The following TPD52L2 variants were observed in gnomAD, a reference collection of about 807,000 sequenced individuals.
The protein encoded by TPD52L2 is tumor protein D54.
A neutral mutation model predicts 24.7 loss-of-function variants in TPD52L2; 19 were observed. That is an observed-to-expected ratio of 0.77 (90% CI 0.54 to 1.13). TPD52L2 has a LOEUF of 1.13. TPD52L2 is among the 50% of genes most tolerant of loss of function. TPD52L2 has a pLI of 0.00. For synonymous variants in TPD52L2, 104 were observed against 100.2 expected (o/e 1.04, Z -0.23); for missense variants, 236 against 250.4 (o/e 0.94, Z 0.39).
chr20:63,886,453 C>G (rs577329761), intron 5 of TPD52L2, among the ~76,000 whole-genome samples: 2 of 149,346 alleles, frequency 1.3e-5, no homozygotes, highest in Admixed American at 1.3e-4. Context: ...CTCCGCCTCC[C>G]GGGTTCACGC....
At chr20:63,874,761 G>A (rs2052604071) in intron 3 of TPD52L2, among the ~76,000 whole-genome samples, 1 of 152,182 alleles carries the variant, frequency 6.6e-6, no homozygotes, top group Non-Finnish European at 1.5e-5. Context: ...CCAGACTTGA[G>A]AGAGCACTGA....
At chr20:63,878,839 T>C (rs912624785) in intron 4 of TPD52L2, among the ~76,000 whole-genome samples, 1 of 152,202 alleles carries the variant, frequency 6.6e-6, no homozygotes, top group Non-Finnish European at 1.5e-5. Context: ...CCCGGCCCGG[T>C]GCTCTCAAGG....
intron 5 of TPD52L2, among the ~76,000 whole-genome samples, chr20:63,884,162 G>A (rs904297967): frequency 2.6e-5 from 4 of 152,118 alleles, no homozygotes; most frequent in African/African-American, 7.2e-5. Context: ...ACCCTCACAC[G>A]CCCAAGGCTC....
chr20:63,885,333 C>T (rs1385066234), intron 5 of TPD52L2, among the ~76,000 whole-genome samples: 1 of 152,218 alleles, frequency 6.6e-6, no homozygotes, highest in African/African-American at 2.4e-5. Flanking sequence ...TCCGTGGTCT[C>T]AGATGAGGCA....
At chr20:63,870,716 G>C (rs1306720087) in intron 2 of TPD52L2, among the ~76,000 whole-genome samples, 1 of 147,460 alleles carries the variant, frequency 6.8e-6, no homozygotes, top group Non-Finnish European at 1.5e-5. Context: ...AGTCGAGATG[G>C]GGTTTGTTTT....
chr20:63,890,067 C>A lies in TPD52L2; in HGVS notation c.*122C>A. 6.5e-7 allele frequency: 1 copy of A among 1,532,440 alleles called. No individual in the cohort carries two copies. The highest frequency in any genetic ancestry group is 2.4e-5 in the East Asian group (1 of 41,292). The allele number at this position is 1,532,440 out of a possible 1,614,324, so 94.9% of individuals were successfully genotyped here. A position where few individuals can be genotyped will look rare whatever the true frequency, so the allele number is the denominator to read the frequency against. The stretch of plus-strand genomic sequence containing the variant: ...AGCAGAGCCGGCCCTGAGGACAGTC[C>A]TGCCCATCCACGCGGAGATGTGGCT... On this transcript the variant is annotated 3_prime_UTR_variant, in exon 7 of 7. Transcript: ENST00000346249.
intron 4 of TPD52L2, 122 bp downstream of exon 4, chr20:63,875,997 C>A (rs1401408009): frequency 1.0e-6 from 1 of 961,586 alleles, no homozygotes; most frequent in Non-Finnish European, 1.6e-6. Context: ...GCTATTTTTT[C>A]TTCCTATAAC....
intron 1 of TPD52L2, among the ~76,000 whole-genome samples, chr20:63,866,360 C>T (rs1004555567): frequency 6.6e-6 from 1 of 152,232 alleles, no homozygotes; most frequent in Admixed American, 6.5e-5. Context: ...GCCTCAGCCT[C>T]CCAAAGTGCT....
intron 5 of TPD52L2, chr20:63,885,937 C>T: frequency 1.3e-6 from 2 of 1,525,660 alleles, no homozygotes; most frequent in Non-Finnish European, 1.8e-6. Flanking sequence ...CCTGGGGCTC[C>T]CCGAGGAGGG....
chr20:63,882,868 A>G (rs780975083), intron 5 of TPD52L2, 48 bp downstream of exon 5: 26 of 1,481,440 alleles, frequency 1.8e-5, no homozygotes, highest in Middle Eastern at 1.9e-4. Context: ...GCCAGGAGTG[A>G]GGTGAGGTGT....
chr20:63,872,782 C>T (rs2052516523), intron 2 of TPD52L2, among the ~76,000 whole-genome samples: 1 of 152,002 alleles, frequency 6.6e-6, no homozygotes, highest in African/African-American at 2.4e-5. Context: ...GGCTCACCCG[C>T]AAGCTCTGCC....
Position 63,890,205 on chromosome 20 carries a change from CA to C in TPD52L2, c.*261del, listed in dbSNP as rs1292605365. Reference sequence around the variant, plus strand: ...CCTTCCTAGGGGTGCAGGAAGTGGACAGGGCGGAGGGTTTGAAAGAATATTG... The same window carrying C: ...CCTTCCTAGGGGTGCAGGAAGTGGACGGGCGGAGGGTTTGAAAGAATATTG... On this transcript the variant is annotated 3_prime_UTR_variant, in exon 7 of 7. Transcript: ENST00000346249. The C allele has an allele frequency of 7.9e-6, 6 of 762,160 alleles. No homozygotes were observed. The highest frequency in any genetic ancestry group is 1.2e-5 in the Non-Finnish European group (6 of 490,096). 47.2% of individuals were successfully genotyped at this position (762,160 alleles called of 1,614,324 possible).
chr20:63,866,429 T>C (rs913235286), intron 1 of TPD52L2, among the ~76,000 whole-genome samples: 4 of 150,740 alleles, frequency 2.7e-5, no homozygotes, highest in Non-Finnish European at 4.4e-5. Context: ...AATTCCTAGG[T>C]GCTGCATTAT....
intron 2 of TPD52L2, among the ~76,000 whole-genome samples, chr20:63,869,823 C>G (rs983736872): frequency 4.6e-5 from 7 of 152,198 alleles, no homozygotes; most frequent in Non-Finnish European, 7.4e-5. Flanking sequence ...CTTAAGTTTT[C>G]TTTTAAACAT....
chr20:63,874,145 G>T (rs1041228155), intron 3 of TPD52L2, among the ~76,000 whole-genome samples: 1 of 151,762 alleles, frequency 6.6e-6, no homozygotes, highest in Non-Finnish European at 1.5e-5. Context: ...TCTGCCCCCC[G>T]GGTTCAAGCG....
At position 63,875,721 on chromosome 20, in the gene TPD52L2, G is replaced by A. The variant is rs187852068; in HGVS notation, c.315-95G>A. On this transcript the variant is annotated intron_variant, in intron 3 of 6. Transcript: ENST00000346249. ...GTGGAGTTGATGTTCCTGCCAGCTG[G>A]TCCCTCTCTGTCTTCCCTGGAACTT... The A allele has an allele frequency of 4.7e-5, 60 of 1,286,074 alleles. No homozygotes were observed. In the African/African-American group the frequency reaches 7.6e-4, roughly 16 times the overall value. 79.7% of individuals were successfully genotyped at this position (1,286,074 alleles called of 1,614,324 possible). A position where few individuals can be genotyped will look rare whatever the true frequency, so the allele number is the denominator to read the frequency against.
Position 63,865,274 on chromosome 20 carries a change from C to A in TPD52L2, c.-92C>A. On this transcript the variant is annotated 5_prime_UTR_variant, in exon 1 of 7. Coordinates refer to ENST00000346249, the MANE Select transcript of TPD52L2 (RefSeq NM_003288.4). Reference sequence around the variant, plus strand: ...GAAACGCCGCGGAGCTGAGGCAGTTCCGCTGGCTAGTGTGTACGCGGCGAG... The same window carrying A: ...GAAACGCCGCGGAGCTGAGGCAGTTACGCTGGCTAGTGTGTACGCGGCGAG... The A allele has an allele frequency of 2.2e-6, 3 of 1,390,916 alleles. No homozygotes were observed. Among genetic ancestry groups the A allele is most frequent in the South Asian group, 1.4e-5 (1 of 69,310 alleles). The allele number at this position is 1,390,916 out of a possible 1,614,324, so 86.2% of individuals were successfully genotyped here.
At chr20:63,887,968 C>T (rs2053195829) in intron 5 of TPD52L2, 2 of 343,042 alleles carry the variant, frequency 5.8e-6, no homozygotes, top group East Asian at 1.4e-4. Context: ...TTCACGGTCT[C>T]AGCCTTCACG....
At chr20:63,865,451 G>A in intron 1 of TPD52L2, 67 bp downstream of exon 1, 1 of 1,488,818 alleles carries the variant, frequency 6.7e-7, no homozygotes, top group Non-Finnish European at 8.9e-7. Flanking sequence ...CCGTCTCCCG[G>A]GGTCGCGTCT....
Sources: allele counts gnomAD v4.1 joint callset (sites outside exome capture counted in the v4.1 genomes callset), GRCh38; gene constraint gnomAD v4.1.1; transcripts MANE v1.5; gene names NCBI Gene and HGNC (gene_info 2026-07-23, HGNC 2026-07-21).